DLG5: variants seen among roughly 807,000 people sequenced by gnomAD.
DLG5 encodes discs large MAGUK scaffold protein 5.
A neutral mutation model predicts 189.8 loss-of-function variants in DLG5; 48 were observed. That is an observed-to-expected ratio of 0.25 (90% confidence interval 0.20 to 0.32). The LOEUF (loss-of-function observed/expected upper bound fraction) is 0.32. Ranked by LOEUF, DLG5 falls within the 10% of genes least tolerant of loss-of-function variation. The probability of loss-of-function intolerance (pLI) is 1.00; values close to 1 mark genes in which losing one functional copy is unlikely to be tolerated. For missense variants in DLG5, 2,160 were observed against 2,544.7 expected (o/e 0.85, Z 3.25); for synonymous variants, 1,016 against 1,054.1 (o/e 0.96, Z 0.70).
the DLG5 span, among the ~76,000 whole-genome samples, chr10:77,934,569 G>C: frequency 6.6e-6 from 1 of 152,096 alleles, no homozygotes; most frequent in Non-Finnish European, 1.5e-5. Flanking sequence ...GTCACTATTG[G>C]CTCTGAGATG....
chr10:77,795,829 G>C (rs1422412837), intron 29 of DLG5, among the ~76,000 whole-genome samples: 1 of 152,174 alleles, frequency 6.6e-6, no homozygotes, highest in East Asian at 1.9e-4. Context: ...GAGGAAGATG[G>C]GGCGGCACAT....
At chr10:77,835,588 G>T in intron 8 of DLG5, 150 bp downstream of exon 8, 1 of 777,784 alleles carries the variant, frequency 1.3e-6, no homozygotes, top group Non-Finnish European at 2.0e-6. Context: ...CAAGGCTAGG[G>T]CATCAACTAG....
chr10:77,832,651 T>C (rs1358273188), intron 9 of DLG5, among the ~76,000 whole-genome samples: 1 of 151,998 alleles, frequency 6.6e-6, no homozygotes, highest in Non-Finnish European at 1.5e-5. Context: ...TCCTGCCAGT[T>C]AGAGAACTTA....
At chr10:77,811,483 GTC>G (rs778319212) in intron 22 of DLG5, among the ~76,000 whole-genome samples, 1 of 152,088 alleles carries the variant, frequency 6.6e-6, no homozygotes, top group Non-Finnish European at 1.5e-5. Context: ...TGAGCATCCT[GTC>G]TCTTTTCCTC....
At position 77,819,692 on chromosome 10, in the gene DLG5, G is replaced by A. The variant is rs867926628; in HGVS notation, c.3526+203C>T. On this transcript the variant is annotated intron_variant, in intron 16 of 31. Transcript: ENST00000372391. Reference sequence around the variant, plus strand: ...TGCTTCCTATTTCCCAGGTTGCTATGGGGAGAAAGCATGTTGACAAGCTAA... The same window carrying A: ...TGCTTCCTATTTCCCAGGTTGCTATAGGGAGAAAGCATGTTGACAAGCTAA... The A allele has an allele frequency of 1.3e-4, 139 of 1,064,598 alleles. No homozygotes were observed. The Middle Eastern group carries it at 1.6e-3, about 12-fold the overall frequency. The allele number at this position is 1,064,598 out of a possible 1,614,324, so 65.9% of individuals were successfully genotyped here. A position where few individuals can be genotyped will look rare whatever the true frequency, so the allele number is the denominator to read the frequency against.
chr10:77,827,205 A>C (rs1842680213), intron 13 of DLG5, among the ~76,000 whole-genome samples: 1 of 152,116 alleles, frequency 6.6e-6, no homozygotes, highest in Non-Finnish European at 1.5e-5. Context: ...GCCATGAAAA[A>C]GTGTATGGCA....
chr10:77,890,830 G>A (rs994262088), intron 1 of DLG5, among the ~76,000 whole-genome samples: 2 of 152,056 alleles, frequency 1.3e-5, no homozygotes, highest in Non-Finnish European at 1.5e-5. Flanking sequence ...GAGCTTCCAG[G>A]AGTCCCCAGC....
At chr10:77,795,805 C>T (rs1006261758) in intron 29 of DLG5, among the ~76,000 whole-genome samples, 5 of 152,218 alleles carry the variant, frequency 3.3e-5, no homozygotes, top group Non-Finnish European at 7.3e-5. Context: ...ATGAGACCCC[C>T]CGCACCTGCC....
chr10:77,876,707 A>G (rs3098446), intron 1 of DLG5, among the ~76,000 whole-genome samples: 7,117 of 69,266 alleles, frequency 0.1, 1,255 homozygotes, highest in African/African-American at 0.36. Context: ...GGAAGGAAGG[A>G]AGGGAGGGAG....
chr10:77,849,674 G>A (rs1367410712), intron 5 of DLG5, among the ~76,000 whole-genome samples: 2 of 152,196 alleles, frequency 1.3e-5, no homozygotes, highest in Admixed American at 1.3e-4. Flanking sequence ...AGGAGAGCAG[G>A]GAATGGGCTG....
chr10:77,854,780 G>A (rs565616342), intron 3 of DLG5, among the ~76,000 whole-genome samples: 41 of 152,162 alleles, frequency 2.7e-4, no homozygotes, highest in African/African-American at 8.9e-4. Flanking sequence ...GAAGCCAGGG[G>A]TTTGAGACCA....
chr10:77,831,625 T>C (rs891980067), intron 9 of DLG5, among the ~76,000 whole-genome samples: 6 of 152,132 alleles, frequency 3.9e-5, no homozygotes, highest in African/African-American at 1.4e-4. Flanking sequence ...CACAGGTCTG[T>C]AGAACAGAAT....
rs1842864868 is a variant in DLG5, at chr10:77,830,881, C to G, written c.1749-8G>C. The G allele has an allele frequency of 6.2e-7, 1 of 1,613,590 alleles. No individual in the cohort carries two copies. The highest frequency in any genetic ancestry group is 1.3e-5 in the African/African-American group (1 of 74,908). Reference sequence around the variant, plus strand: ...TGGGATTCCATCTGTTCCCTGTGAACAGAGAGAGCCACGGTGACAGCCCCT... The same window carrying G: ...TGGGATTCCATCTGTTCCCTGTGAAGAGAGAGAGCCACGGTGACAGCCCCT... On this transcript the variant is annotated splice_region_variant and splice_polypyrimidine_tract_variant and intron_variant, in intron 9 of 31. Coordinates refer to ENST00000372391, the MANE Select transcript of DLG5 (RefSeq NM_004747.4).
chr10:77,912,865 A>G (rs1404851735), intron 1 of DLG5, among the ~76,000 whole-genome samples: 2 of 152,114 alleles, frequency 1.3e-5, no homozygotes, highest in African/African-American at 2.4e-5. Flanking sequence ...CCACATGGGG[A>G]GCATCTTAAA....
At chr10:77,875,310 G>A (rs999897044) in intron 1 of DLG5, among the ~76,000 whole-genome samples, 8 of 152,154 alleles carry the variant, frequency 5.3e-5, no homozygotes, top group African/African-American at 1.9e-4. Context: ...TGAGAAGCCC[G>A]ATCAGCTTGC....
intron 1 of DLG5, among the ~76,000 whole-genome samples, chr10:77,908,681 C>A (rs1846135488): frequency 6.6e-6 from 1 of 152,170 alleles, no homozygotes; most frequent in Non-Finnish European, 1.5e-5. Context: ...TCACCATACA[C>A]CCTCCTTCCT....
intron 1 of DLG5, among the ~76,000 whole-genome samples, chr10:77,873,148 T>C (rs1844972452): frequency 1.3e-5 from 2 of 151,932 alleles, no homozygotes; most frequent in South Asian, 4.1e-4. Flanking sequence ...GTGGAAACAT[T>C]TCCAGAAAAG....
chr10:77,794,028 T>G lies in DLG5; in HGVS notation c.5636A>C (p.Glu1879Ala), dbSNP rs754780121. Residue 1879 changes from glutamate to alanine, a missense_variant, in exon 31 of 32, where the codon GAG becomes GCG. Physicochemically the swap from Glu to Ala is moderately radical, Grantham distance 107. Transcript: ENST00000372391. ...CCTACCTGTGAAGTACCTGCTGTAC[T>G]CCTGCTCAAGCTTCTGCGCCGCCTC... ...QFEAAQKLEQ[E>A]YSRYFTGVIQ... 1.2e-6 allele frequency: 2 copies of G among 1,614,122 alleles called. No homozygotes were observed. The highest frequency in any genetic ancestry group is 1.7e-6 in the Non-Finnish European group (2 of 1,180,026).
intron 11 of DLG5, among the ~76,000 whole-genome samples, 171 bp downstream of exon 11, chr10:77,830,046 A>G (rs576375040): frequency 6.6e-6 from 1 of 152,320 alleles, no homozygotes; most frequent in East Asian, 1.9e-4. Context: ...ACTGAGAAGC[A>G]CTGTTTCTTT....
Sources: gnomAD v4.1 joint callset for allele counts (sites outside exome capture counted in the v4.1 genomes callset) on GRCh38, gnomAD v4.1.1 for gene constraint, MANE v1.5 for transcripts, NCBI Gene and HGNC (gene_info 2026-07-23, HGNC 2026-07-21) for gene names.